The following GABRR1 variants were observed in gnomAD, a reference collection of about 807,000 sequenced individuals.
GABRR1 encodes gamma-aminobutyric acid receptor subunit rho-1.
In GABRR1, 59 loss-of-function variants were observed where a neutral mutation model predicts 55.5. That is an observed-to-expected ratio of 1.06 (90% CI 0.86 to 1.32). The LOEUF (loss-of-function observed/expected upper bound fraction) is 1.32. Among genes scored for constraint, GABRR1 ranks in the 40% most tolerant of loss-of-function variants. GABRR1 has a pLI of 0.00. For synonymous variants in GABRR1, 213 were observed against 226.0 expected, an observed-to-expected ratio of 0.94 and a Z score of 0.51; for missense variants, 602 against 619.1, an observed-to-expected ratio of 0.97 and a Z score of 0.29.
intron 5 of GABRR1, among the ~76,000 whole-genome samples, chr6:89,191,381 A>G (rs573092393): frequency 6.6e-6 from 1 of 152,364 alleles, no homozygotes; most frequent in East Asian, 1.9e-4. Context: ...ACAATGCCCA[A>G]TGGCATCATC....
intron 1 of GABRR1, among the ~76,000 whole-genome samples, chr6:89,206,922 C>T (rs7758893): frequency 0.8 from 121,797 of 152,118 alleles, 49,703 homozygotes; most frequent in African/African-American, 0.91. Context: ...CCGGCCTCTA[C>T]GTTACACATC....
chr6:89,188,554 G>A (rs892618417), intron 6 of GABRR1, among the ~76,000 whole-genome samples: 3 of 152,024 alleles, frequency 2.0e-5, no homozygotes, highest in Admixed American at 6.6e-5. Context: ...TTTGTATACC[G>A]TCTTTGGAGA....
chr6:89,184,235 G>A (rs1771820333), intron 7 of GABRR1, among the ~76,000 whole-genome samples: 1 of 138,912 alleles, frequency 7.2e-6, no homozygotes, highest in South Asian at 2.3e-4. Flanking sequence ...GCAACAGAGT[G>A]AGACTCCGTC....
intron 8 of GABRR1, 115 bp downstream of exon 8, chr6:89,181,790 G>T: frequency 1.9e-6 from 2 of 1,064,518 alleles, no homozygotes; most frequent in Non-Finnish European, 1.3e-6. Context: ...GTTTTTCCAA[G>T]TCATAACGCC....
chr6:89,217,076 G>A, intron 1 of GABRR1, 125 bp downstream of exon 1: 1 of 971,820 alleles, frequency 1.0e-6, no homozygotes, highest in Non-Finnish European at 1.5e-6. Flanking sequence ...AAGGGAAGGG[G>A]AAGAAAAAGG....
chr6:89,219,397 A>T (rs749022657), upstream of GABRR1, among the ~76,000 whole-genome samples: 1 of 152,238 alleles, frequency 6.6e-6, no homozygotes, highest in Non-Finnish European at 1.5e-5. Flanking sequence ...CGCAAACTTC[A>T]AAGGAGGCAT....
At chr6:89,211,135 C>T (rs1283700438) in intron 1 of GABRR1, among the ~76,000 whole-genome samples, 1 of 152,092 alleles carries the variant, frequency 6.6e-6, no homozygotes, top group African/African-American at 2.4e-5. Context: ...AGTGGGGACT[C>T]GAACGTTCAA....
upstream of GABRR1, among the ~76,000 whole-genome samples, chr6:89,220,446 C>A (rs1348744527): frequency 6.6e-6 from 1 of 152,206 alleles, no homozygotes; most frequent in Non-Finnish European, 1.5e-5. Flanking sequence ...CTGCTTTGGG[C>A]TTGAGCCAAC....
At chr6:89,190,885 G>C (rs1224031553) in intron 5 of GABRR1, among the ~76,000 whole-genome samples, 1 of 152,166 alleles carries the variant, frequency 6.6e-6, no homozygotes, top group East Asian at 1.9e-4. Flanking sequence ...ATTTACACTG[G>C]GAAAGAGGCT....
chr6:89,199,447 C>A lies in GABRR1; in HGVS notation c.281-18G>T, dbSNP rs1355408657. The A allele has an allele frequency of 1.2e-6, 2 of 1,611,592 alleles. No homozygotes were observed. Among genetic ancestry groups the A allele is most frequent in the Admixed American group, 3.3e-5 (2 of 59,994 alleles). ...GGCAGGGCCTGGGGACAGAGCATGG[C>A]AAGAGCATTCACTGTTTTTACTTGA... is the stretch of plus-strand genomic sequence containing the variant. On this transcript the variant is annotated intron_variant, in intron 3 of 9. Transcript: ENST00000454853.
intron 7 of GABRR1, among the ~76,000 whole-genome samples, chr6:89,182,963 A>G (rs1488008910): frequency 1.3e-5 from 2 of 152,020 alleles, no homozygotes; most frequent in African/African-American, 2.4e-5. Flanking sequence ...ACTGATTTAA[A>G]CAATCTCTTT....
chr6:89,223,081 A>T (rs1036198598), intron 1 of GABRR1, among the ~76,000 whole-genome samples: 12 of 152,064 alleles, frequency 7.9e-5, no homozygotes, highest in Non-Finnish European at 1.8e-4. Flanking sequence ...TTTTTGGGGA[A>T]CAGGTGGTAT....
chr6:89,229,669 G>A (rs1391074910), intron 1 of GABRR1, among the ~76,000 whole-genome samples: 3 of 96,344 alleles, frequency 3.1e-5, no homozygotes, highest in Admixed American at 1.0e-4. Flanking sequence ...AGGGTAACCC[G>A]ACCTTTCTCT....
At chr6:89,180,519 T>C (rs1771685170) in intron 8 of GABRR1, 31 bp from the exon 9 acceptor site, 1 of 1,607,088 alleles carries the variant, frequency 6.2e-7, no homozygotes, top group Non-Finnish European at 8.5e-7. Context: ...AACAAGTGTT[T>C]GCTTGTCTTT....
At chr6:89,190,429 G>C (rs923916712) in intron 5 of GABRR1, among the ~76,000 whole-genome samples, 182 bp from the exon 6 acceptor site, 14 of 152,136 alleles carry the variant, frequency 9.2e-5, no homozygotes, top group Admixed American at 1.3e-4. Flanking sequence ...AGTACTCTTA[G>C]GCATTTATGT....
intron 6 of GABRR1, among the ~76,000 whole-genome samples, chr6:89,188,490 G>A (rs1468343277): frequency 6.6e-6 from 1 of 152,126 alleles, no homozygotes; most frequent in Non-Finnish European, 1.5e-5. Flanking sequence ...GTTTTGGTTT[G>A]CATTTTCCTA....
At chr6:89,224,885 C>T (rs564841193) in intron 1 of GABRR1, among the ~76,000 whole-genome samples, 11 of 152,132 alleles carry the variant, frequency 7.2e-5, no homozygotes, top group Admixed American at 2.6e-4. Flanking sequence ...CAGGTTCAAG[C>T]GATTCTCCTG....
chr6:89,206,047 C>T (rs1772631439), intron 1 of GABRR1, among the ~76,000 whole-genome samples: 1 of 152,044 alleles, frequency 6.6e-6, no homozygotes, highest in South Asian at 2.1e-4. Flanking sequence ...AGCAGTCAGG[C>T]AGCCAGTCCT....
Position 89,186,864 on chromosome 6 carries a change from G to A in GABRR1, c.656-1414C>T, listed in dbSNP as rs551811939. 2.2e-4 allele frequency among the ~76,000 whole-genome samples: 34 copies of A among 152,338 alleles called. 1 individual carries two copies. In the South Asian group the frequency reaches 3.5e-3, roughly 16 times the overall value. ...ATTACACCCTTTCCCCACATTCAGT[G>A]CCCTATGCAGCTGTCCCTTTGGCCC... On this transcript the variant is annotated intron_variant, in intron 6 of 9. Coordinates refer to ENST00000454853, the MANE Select transcript of GABRR1 (RefSeq NM_002042.5).
Sources: gnomAD v4.1 joint callset for allele counts (sites outside exome capture counted in the v4.1 genomes callset) on GRCh38, gnomAD v4.1.1 for gene constraint, MANE v1.5 for transcripts, NCBI Gene and HGNC (gene_info 2026-07-23, HGNC 2026-07-21) for gene names.